The following RELN variants were observed in gnomAD, a reference collection of about 807,000 sequenced individuals.
The protein encoded by RELN is reelin.
In RELN, 108 loss-of-function variants were observed where a neutral mutation model predicts 427.6. The observed-to-expected ratio is 0.25, with a 90% CI of 0.22 to 0.30. RELN has a LOEUF of 0.30. Among genes scored for constraint, RELN ranks in the 10% least tolerant of loss-of-function variants. RELN has a pLI of 1.00. For missense variants in RELN, 3,715 were observed against 4,302.8 expected, an observed-to-expected ratio of 0.86 and a Z score of 3.82; for synonymous variants, 1,524 against 1,513.4, an observed-to-expected ratio of 1.01 and a Z score of -0.16.
At chr7:103,860,338 G>A (rs1350671325) in intron 2 of RELN, among the ~76,000 whole-genome samples, 2 of 152,082 alleles carry the variant, frequency 1.3e-5, no homozygotes, top group Non-Finnish European at 2.9e-5. Flanking sequence ...TATGTAGCAA[G>A]CCAATTATTA....
intron 6 of RELN, among the ~76,000 whole-genome samples, chr7:103,730,486 TA>T (rs3216271): frequency 5.7e-4 from 83 of 144,744 alleles, no homozygotes; most frequent in African/African-American, 9.6e-4. Flanking sequence ...AGCAGGGATT[TA>T]AAAAAAAAAA....
chr7:103,519,468 C>G lies in RELN; in HGVS notation c.7717G>C (p.Glu2573Gln), dbSNP rs1829650645. 1 of 1,613,408 alleles carries G rather than the reference C, an allele frequency of 6.2e-7. No homozygotes were observed. Among genetic ancestry groups the G allele is most frequent in the South Asian group, 1.1e-5 (1 of 91,058 alleles). The change falls in exon 49 of 65, where the codon GAG becomes CAG. Residue 2573 changes from glutamate to glutamine, a missense_variant. By Grantham distance (29) the Glu-to-Gln change is conservative. Transcript: ENST00000428762. ...TACATGAAGTAAAATTGGATGAACT[C>G]AGCATTAGTGAGGTTTAGATCCACA... is the stretch of plus-strand genomic sequence containing the variant. ...VTVDLNLTNA[E>Q]FIQFYFMYGC...
At chr7:103,694,467 A>AGATGATGATGATGAT (rs139140239) in intron 10 of RELN, among the ~76,000 whole-genome samples, 1,979 of 148,772 alleles carry the variant, frequency 0.013, 38 homozygotes, top group African/African-American at 0.029. Context: ...CAGTTAAATG[A>AGATGATGATGATGAT]GATGATGATG....
In RELN at chr7:103,909,776, TA is replaced by T. The variant is rs1795315101; in HGVS notation, c.337+7298del. 4.3e-5 allele frequency among the ~76,000 whole-genome samples: 4 copies of T among 93,544 alleles called. No individual in the cohort carries two copies. In the South Asian group the frequency reaches 1.1e-3, roughly 25 times the overall value. The allele number at this position is 93,544 out of a possible 152,430, so 61.4% of individuals were successfully genotyped here. A position where few individuals can be genotyped will look rare whatever the true frequency, so the allele number is the denominator to read the frequency against. Reference sequence around the variant, plus strand: ...ATATTAAATATATATATTTAATATATATAAATATATATATTAAATATATATT... The same window carrying T: ...ATATTAAATATATATATTTAATATATTAAATATATATATTAAATATATATT... On this transcript the variant is annotated intron_variant, in intron 2 of 64. Coordinates refer to ENST00000428762, the MANE Select transcript of RELN (RefSeq NM_005045.4).
intron 40 of RELN, among the ~76,000 whole-genome samples, chr7:103,552,501 CTTTTT>C (rs35546410): frequency 2.5e-5 from 3 of 119,354 alleles, no homozygotes; most frequent in African/African-American, 6.5e-5. Context: ...TTCCTGAATT[CTTTTT>C]TTTTTTTTTT....
intron 6 of RELN, among the ~76,000 whole-genome samples, chr7:103,739,727 G>T (rs931572357): frequency 6.6e-6 from 1 of 152,180 alleles, no homozygotes; most frequent in South Asian, 2.1e-4. Flanking sequence ...GCAGCCGCTG[G>T]GGGAGTGGGG....
At chr7:103,514,586 G>A (rs1829511954) in intron 50 of RELN, among the ~76,000 whole-genome samples, 1 of 152,140 alleles carries the variant, frequency 6.6e-6, no homozygotes, top group Non-Finnish European at 1.5e-5. Flanking sequence ...TTGCACCTGG[G>A]AGGCGGAGGT....
At chr7:103,735,426 G>C (rs7798224) in intron 6 of RELN, among the ~76,000 whole-genome samples, 2,517 of 152,130 alleles carry the variant, frequency 0.017, 34 homozygotes, top group South Asian at 0.045. Context: ...TGGGCACAGA[G>C]GAAGATGAAG....
At chr7:103,908,777 C>A (rs182717395) in intron 2 of RELN, among the ~76,000 whole-genome samples, 13 of 152,180 alleles carry the variant, frequency 8.5e-5, no homozygotes, top group African/African-American at 3.1e-4. Context: ...GAATGGAATA[C>A]TCAAATGGAA....
intron 11 of RELN, among the ~76,000 whole-genome samples, chr7:103,677,452 T>TAAA (rs1213821493): frequency 4.8e-5 from 6 of 124,882 alleles, no homozygotes; most frequent in South Asian, 2.5e-4. Flanking sequence ...ATAATAATAA[T>TAAA]AAAAAGAACA....
At position 103,891,976 on chromosome 7, in the gene RELN, G is replaced by A. The variant is rs114303090; in HGVS notation, c.337+25099C>T. ...TCGTATGTAGGGTAAGAGGAAGAAT[G>A]TGTCAGAGGCACAGAATGGAATTAT... On this transcript the variant is annotated intron_variant, in intron 2 of 64. Transcript: ENST00000428762. 2.7e-3 allele frequency among the ~76,000 whole-genome samples: 406 copies of A among 152,260 alleles called. 2 individuals are homozygous for A. Among genetic ancestry groups the A allele is most frequent in the African/African-American group, 9.3e-3 (388 of 41,558 alleles).
intron 48 of RELN, among the ~76,000 whole-genome samples, chr7:103,520,954 GTTA>G (rs1829686903): frequency 2.6e-5 from 2 of 78,190 alleles, no homozygotes; most frequent in African/African-American, 5.0e-5. Flanking sequence ...CAGTAAATTT[GTTA>G]TTTTTTTTTT....
intron 27 of RELN, among the ~76,000 whole-genome samples, chr7:103,590,068 T>C (rs1467338243): frequency 1.3e-5 from 2 of 152,182 alleles, no homozygotes; most frequent in East Asian, 3.9e-4. Flanking sequence ...CTTGGGATTA[T>C]AGGAGAGAAG....
intron 48 of RELN, 108 bp downstream of exon 48, chr7:103,521,914 G>A: frequency 9.1e-7 from 1 of 1,097,244 alleles, no homozygotes; most frequent in South Asian, 1.3e-5. Flanking sequence ...TACATTTAGG[G>A]TAACTAACCC....
chr7:103,689,324 T>C (rs918325319), intron 10 of RELN, among the ~76,000 whole-genome samples: 1 of 140,036 alleles, frequency 7.1e-6, no homozygotes, highest in Admixed American at 7.1e-5. Flanking sequence ...ATAAAAAAAA[T>C]GTGGAAAGTA....
At position 103,573,871 on chromosome 7, in the gene RELN, G is replaced by GACACACA; in HGVS notation, c.4511+220_4511+221insTGTGTGT. 6.6e-6 allele frequency among the ~76,000 whole-genome samples: 1 copy of GACACACA among 152,082 alleles called. No individual in the cohort carries two copies. The highest frequency in any genetic ancestry group is 1.5e-5 in the Non-Finnish European group (1 of 68,030). ...GGCATACCCTAGACACACAGGCCTT[G>GACACACA]GTGATGACCACACATGGATTTATGA... On this transcript the variant is annotated intron_variant, in intron 30 of 64. Coordinates refer to ENST00000428762, the MANE Select transcript of RELN (RefSeq NM_005045.4). This position sits in a 1 kb window ranked among gnomAD's most constrained non-coding sequence, Gnocchi z 4.4.
At chr7:103,795,189 GA>G (rs927206955) in intron 3 of RELN, among the ~76,000 whole-genome samples, 1 of 152,178 alleles carries the variant, frequency 6.6e-6, no homozygotes, top group Non-Finnish European at 1.5e-5. Context: ...GGGCAAAAGA[GA>G]AAAGAAAGAT....
intron 51 of RELN, 133 bp downstream of exon 51, chr7:103,510,718 T>C: frequency 1.4e-6 from 1 of 720,678 alleles, no homozygotes; most frequent in Non-Finnish European, 2.4e-6. Flanking sequence ...GAGTTGTATA[T>C]TAGTTTAATA....
At chr7:103,727,281 G>A (rs1473743333) in intron 7 of RELN, among the ~76,000 whole-genome samples, 4 of 152,018 alleles carry the variant, frequency 2.6e-5, no homozygotes, top group Non-Finnish European at 5.9e-5. Flanking sequence ...GGAAATAAAA[G>A]AACAAGCATT....
Sources: gnomAD v4.1 joint callset for allele counts (sites outside exome capture counted in the v4.1 genomes callset) on GRCh38, gnomAD v4.1.1 for gene constraint, Gnocchi (gnomAD v3.1) non-coding constraint, MANE v1.5 for transcripts, NCBI Gene and HGNC (gene_info 2026-07-23, HGNC 2026-07-21) for gene names.